CSMD1: variants seen among roughly 807,000 people sequenced by gnomAD.
The protein encoded by CSMD1 is CUB and sushi domain-containing protein 1.
In CSMD1, 213 loss-of-function variants were observed where a neutral mutation model predicts 417.5. That is an observed-to-expected ratio of 0.51 (90% CI 0.46 to 0.57). The LOEUF is 0.57. CSMD1 is among the 20% of genes least tolerant of loss of function. CSMD1 has a pLI of 0.00. For synonymous variants in CSMD1, 2,862 were observed against 1,736.8 expected, an observed-to-expected ratio of 1.65 and a Z score of -16.11; for missense variants, 6,923 against 4,529.7, an observed-to-expected ratio of 1.53 and a Z score of -15.17.
intron 2 of CSMD1, among the ~76,000 whole-genome samples, chr8:4,599,846 C>T (rs1467643772): frequency 6.6e-6 from 1 of 152,322 alleles, no homozygotes; most frequent in South Asian, 2.1e-4. Flanking sequence ...TGCAAATGAT[C>T]TCCAACTTAG....
intron 20 of CSMD1, among the ~76,000 whole-genome samples, chr8:3,364,626 C>A (rs112907675): frequency 7.2e-5 from 11 of 152,170 alleles, no homozygotes; most frequent in African/African-American, 2.6e-4. Flanking sequence ...AGGGACCCAC[C>A]CTCATTAATG....
At chr8:3,173,268 A>G (rs1359310761) in intron 37 of CSMD1, among the ~76,000 whole-genome samples, 3 of 152,182 alleles carry the variant, frequency 2.0e-5, no homozygotes, top group Non-Finnish European at 4.4e-5. Flanking sequence ...TTGAATGCCT[A>G]AAGTAATATT....
intron 1 of CSMD1, among the ~76,000 whole-genome samples, chr8:4,987,813 G>A (rs1435209945): frequency 6.6e-6 from 1 of 152,158 alleles, no homozygotes; most frequent in Non-Finnish European, 1.5e-5. Flanking sequence ...TGAGTCTTCA[G>A]GTCTTCATCT....
chr8:3,098,082 C>T (rs1001225423), intron 46 of CSMD1, among the ~76,000 whole-genome samples: 26 of 152,306 alleles, frequency 1.7e-4, no homozygotes, highest in African/African-American at 6.3e-4. Flanking sequence ...TCTCTCATCA[C>T]TGAATTATCT....
intron 55 of CSMD1, among the ~76,000 whole-genome samples, chr8:2,978,371 C>T (rs1563200674): frequency 6.6e-6 from 1 of 152,152 alleles, no homozygotes. Flanking sequence ...AAGTGGCATC[C>T]AATAACCTGG....
Position 4,227,976 on chromosome 8 carries a change from C to T in CSMD1, c.415+191977G>A, listed in dbSNP as rs114499784. ...GCATTCAATCCCACACCAGGAGACACGCCCTCCATCCTACATTAAACCCCA... is the reference window on the plus strand; with the variant it reads ...GCATTCAATCCCACACCAGGAGACATGCCCTCCATCCTACATTAAACCCCA... On this transcript the variant is annotated intron_variant, in intron 3 of 69. Coordinates refer to ENST00000635120, the MANE Select transcript of CSMD1 (RefSeq NM_033225.6). 1.0e-3 allele frequency among the ~76,000 whole-genome samples: 155 copies of T among 151,922 alleles called. 1 individual carries two copies. Among genetic ancestry groups the T allele is most frequent in the African/African-American group, 3.5e-3 (146 of 41,422 alleles).
At chr8:3,662,452 G>A (rs568528670) in intron 7 of CSMD1, among the ~76,000 whole-genome samples, 2 of 152,230 alleles carry the variant, frequency 1.3e-5, no homozygotes, top group South Asian at 4.1e-4. Context: ...ATGGGCATTT[G>A]GGTTGGTTCC....
intron 6 of CSMD1, among the ~76,000 whole-genome samples, chr8:3,710,272 C>A (rs1178430714): frequency 6.6e-6 from 1 of 152,052 alleles, no homozygotes; most frequent in South Asian, 2.1e-4. Flanking sequence ...CTATGCTGCT[C>A]AAGGGTTAAC....
intron 37 of CSMD1, among the ~76,000 whole-genome samples, chr8:3,176,242 G>A (rs889422003): frequency 6.6e-6 from 1 of 152,086 alleles, no homozygotes; most frequent in African/African-American, 2.4e-5. Flanking sequence ...TCTCTAAATG[G>A]AAAGCAATTC....
chr8:4,818,631 T>G (rs1799344123), intron 1 of CSMD1, among the ~76,000 whole-genome samples: 1 of 152,142 alleles, frequency 6.6e-6, no homozygotes, highest in Non-Finnish European at 1.5e-5. Context: ...AAAGTGCCAG[T>G]AAAAGGAAAT....
intron 5 of CSMD1, among the ~76,000 whole-genome samples, chr8:3,765,987 G>A (rs1798247582): frequency 6.6e-6 from 1 of 152,226 alleles, no homozygotes; most frequent in Non-Finnish European, 1.5e-5. Context: ...CAGAGGTCAG[G>A]CAGAGAGGAT....
intron 6 of CSMD1, among the ~76,000 whole-genome samples, chr8:3,750,515 T>C (rs1349501228): frequency 1.3e-5 from 2 of 152,232 alleles, no homozygotes; most frequent in East Asian, 3.9e-4. Context: ...TTTTTTTGTT[T>C]CGCAATTTTT....
At chr8:4,547,500 T>G (rs1038459756) in intron 2 of CSMD1, among the ~76,000 whole-genome samples, 2 of 152,352 alleles carry the variant, frequency 1.3e-5, no homozygotes, top group African/African-American at 4.8e-5. Context: ...GGCCTCTTTT[T>G]TTCTACCAGG....
chr8:4,165,265 A>G (rs1026716663), intron 3 of CSMD1, among the ~76,000 whole-genome samples: 2 of 152,224 alleles, frequency 1.3e-5, no homozygotes, highest in Non-Finnish European at 2.9e-5. Flanking sequence ...TGTTGCAGCG[A>G]AAGTTACAGC....
At chr8:4,453,570 T>C (rs762842978) in intron 2 of CSMD1, among the ~76,000 whole-genome samples, 29 of 152,144 alleles carry the variant, frequency 1.9e-4, no homozygotes, top group South Asian at 4.1e-4. Context: ...CATGACTGGC[T>C]TATATCGCTT....
intron 7 of CSMD1, among the ~76,000 whole-genome samples, chr8:3,699,046 G>T (rs893454697): frequency 2.0e-5 from 3 of 152,140 alleles, no homozygotes; most frequent in African/African-American, 4.8e-5. Flanking sequence ...TGGATCTAGC[G>T]AAGCACTCTG....
At chr8:3,361,757 G>C (rs1809198261) in intron 20 of CSMD1, among the ~76,000 whole-genome samples, 1 of 151,030 alleles carries the variant, frequency 6.6e-6, no homozygotes, top group African/African-American at 2.4e-5. Flanking sequence ...GAAACACCAT[G>C]ATCTTATGGT....
intron 9 of CSMD1, among the ~76,000 whole-genome samples, chr8:3,581,396 G>A (rs1234241976): frequency 6.6e-6 from 1 of 152,164 alleles, no homozygotes; most frequent in Non-Finnish European, 1.5e-5. Context: ...CCATTCATCT[G>A]TTTGGTAACA....
chr8:3,213,203 C>G (rs903513826), intron 30 of CSMD1, among the ~76,000 whole-genome samples: 3 of 152,162 alleles, frequency 2.0e-5, no homozygotes, highest in Non-Finnish European at 4.4e-5. Flanking sequence ...AAGAAAAACA[C>G]ATTTGTTTCA....
Sources: allele counts gnomAD v4.1 joint callset (sites outside exome capture counted in the v4.1 genomes callset), GRCh38; gene constraint gnomAD v4.1.1; transcripts MANE v1.5; gene names NCBI Gene and HGNC (gene_info 2026-07-23, HGNC 2026-07-21).